The following KDM4C variants were observed in gnomAD, a reference collection of about 807,000 sequenced individuals.
The protein encoded by KDM4C is lysine demethylase 4C.
KDM4C carries 81 observed loss-of-function variants against 129.3 expected under a neutral mutation model. The observed-to-expected ratio is 0.63, with a 90% CI of 0.52 to 0.75. The LOEUF (loss-of-function observed/expected upper bound fraction) is 0.75. Among genes scored for constraint, KDM4C ranks in the 30% least tolerant of loss-of-function variants. KDM4C has a pLI of 0.00. For missense variants in KDM4C, 1,457 were observed against 1,304.0 expected (o/e 1.12, Z -1.81); for synonymous variants, 573 against 456.1 (o/e 1.26, Z -3.26).
chr9:7,099,219 G>A (rs148106845), intron 17 of KDM4C, among the ~76,000 whole-genome samples: 1 of 152,236 alleles, frequency 6.6e-6, no homozygotes, highest in Non-Finnish European at 1.5e-5. Context: ...CATAAAACTA[G>A]CAAAACAAAA....
At chr9:6,978,376 T>A (rs371402095) in intron 8 of KDM4C, among the ~76,000 whole-genome samples, 1,544 of 152,336 alleles carry the variant, frequency 0.01, 23 homozygotes, top group Middle Eastern at 0.014. Flanking sequence ...TTTATACCAT[T>A]ACTGAGATTG....
chr9:6,756,550 C>G (rs1409881960), upstream of KDM4C, among the ~76,000 whole-genome samples: 4 of 152,194 alleles, frequency 2.6e-5, no homozygotes, highest in South Asian at 8.3e-4. Context: ...AACCCTGTCT[C>G]TACTGAAAAT....
chr9:6,768,334 A>G (rs963795496), intron 1 of KDM4C, among the ~76,000 whole-genome samples: 3 of 147,708 alleles, frequency 2.0e-5, no homozygotes, highest in Admixed American at 2.0e-4. Flanking sequence ...AGTGCTGAAC[A>G]GGATTTTTTT....
At chr9:7,112,773 C>T (rs1352083699) in intron 18 of KDM4C, among the ~76,000 whole-genome samples, 3 of 152,158 alleles carry the variant, frequency 2.0e-5, no homozygotes, top group African/African-American at 7.2e-5. Flanking sequence ...TCTGCTTTCT[C>T]CTTTTCATAA....
chr9:7,011,943 A>G (rs1822790067), intron 13 of KDM4C, 64 bp downstream of exon 13: 3 of 1,356,988 alleles, frequency 2.2e-6, no homozygotes, highest in African/African-American at 1.4e-5. Flanking sequence ...ACATACCACA[A>G]GATCACTGTA....
chr9:7,140,901 A>G (rs1841677972), intron 19 of KDM4C, among the ~76,000 whole-genome samples: 1 of 152,252 alleles, frequency 6.6e-6, no homozygotes, highest in South Asian at 2.1e-4. Context: ...CATCTTATCT[A>G]GATGGGTGAT....
chr9:6,795,977 C>G (rs940174994), intron 2 of KDM4C, among the ~76,000 whole-genome samples: 18 of 152,058 alleles, frequency 1.2e-4, no homozygotes, highest in African/African-American at 4.3e-4. Context: ...TGGCCCCTTC[C>G]TAGAAAAGTT....
At chr9:6,974,058 C>T (rs1228008414) in intron 8 of KDM4C, among the ~76,000 whole-genome samples, 1 of 152,166 alleles carries the variant, frequency 6.6e-6, no homozygotes, top group Non-Finnish European at 1.5e-5. Flanking sequence ...TACTGAATCT[C>T]ACATCACTTA....
At chr9:6,726,664 G>A (rs1588030867) in intron 1 of KDM4C, 2 of 152,210 alleles carry the variant, frequency 1.3e-5, no homozygotes, top group African/African-American at 4.8e-5. Flanking sequence ...TACCTCCCAA[G>A]GTGCCATTCA....
intron 4 of KDM4C, among the ~76,000 whole-genome samples, chr9:6,841,588 C>G (rs938489345): frequency 1.1e-4 from 16 of 152,172 alleles, no homozygotes; most frequent in Non-Finnish European, 8.8e-5. Flanking sequence ...GAGAAAGCAG[C>G]CCCTAAAATA....
At chr9:6,835,412 C>T (rs576279854) in intron 4 of KDM4C, 34 of 1,153,924 alleles carry the variant, frequency 2.9e-5, no homozygotes, top group African/African-American at 6.1e-5. Context: ...ACCGCCCTGG[C>T]GCCCAGCACG....
At chr9:7,067,819 G>C (rs1468152515) in intron 17 of KDM4C, among the ~76,000 whole-genome samples, 1 of 151,462 alleles carries the variant, frequency 6.6e-6, no homozygotes, top group Non-Finnish European at 1.5e-5. Flanking sequence ...TTTTTGAGAT[G>C]AAGTCTTGCC....
intron 19 of KDM4C, among the ~76,000 whole-genome samples, chr9:7,151,071 G>A (rs899208222): frequency 1.3e-5 from 2 of 152,120 alleles, no homozygotes; most frequent in Admixed American, 6.5e-5. Context: ...AGCACTTTGG[G>A]AGGCTGAAGC....
intron 17 of KDM4C, among the ~76,000 whole-genome samples, chr9:7,066,023 T>C (rs1321143278): frequency 6.6e-6 from 1 of 151,152 alleles, no homozygotes. Context: ...GTAATTGAGA[T>C]CCGCATAAAA....
intron 15 of KDM4C, among the ~76,000 whole-genome samples, chr9:7,030,426 A>G (rs1470332281): frequency 6.6e-6 from 1 of 152,196 alleles, no homozygotes; most frequent in Non-Finnish European, 1.5e-5. Context: ...CATAGAATGT[A>G]CAACACCAAG....
At chr9:6,749,720 C>T (rs1313148243) in intron 1 of KDM4C, among the ~76,000 whole-genome samples, 1 of 151,814 alleles carries the variant, frequency 6.6e-6, no homozygotes, top group Non-Finnish European at 1.5e-5. Flanking sequence ...GGCGCAGTGG[C>T]TCATGCCTGT....
intron 5 of KDM4C, among the ~76,000 whole-genome samples, chr9:6,860,317 C>G (rs112228474): frequency 2.6e-5 from 4 of 152,056 alleles, no homozygotes; most frequent in African/African-American, 9.7e-5. Context: ...GAAAGAAAAC[C>G]CCACATTTGA....
chr9:6,914,848 C>T (rs557356555), intron 8 of KDM4C, among the ~76,000 whole-genome samples: 3 of 152,344 alleles, frequency 2.0e-5, no homozygotes, highest in East Asian at 1.9e-4. Context: ...TCTGCTGGCA[C>T]CTTGGTCTTG....
chr9:6,996,952 C>G (rs1819868304), intron 12 of KDM4C, among the ~76,000 whole-genome samples: 1 of 152,004 alleles, frequency 6.6e-6, no homozygotes, highest in Admixed American at 6.5e-5. Flanking sequence ...GAAATAATGG[C>G]TAATATAAAA....
Sources: allele counts gnomAD v4.1 joint callset (sites outside exome capture counted in the v4.1 genomes callset), GRCh38; gene constraint gnomAD v4.1.1; transcripts MANE v1.5; gene names NCBI Gene and HGNC (gene_info 2026-07-23, HGNC 2026-07-21).